The following CBFA2T3 variants were observed in gnomAD, a reference collection of about 807,000 sequenced individuals.
CBFA2T3 encodes CBFA2/RUNX1 partner transcriptional co-repressor 3.
CBFA2T3 carries 31 observed loss-of-function variants against 58.6 expected under a neutral mutation model. The ratio of observed to expected loss-of-function variants is 0.53; its 90% confidence interval spans 0.40 to 0.71. The LOEUF (loss-of-function observed/expected upper bound fraction) is 0.71. CBFA2T3 is among the 30% of genes least tolerant of loss of function. CBFA2T3 has a pLI of 0.00. For synonymous variants in CBFA2T3, 531 were observed against 421.9 expected, an observed-to-expected ratio of 1.26 and a Z score of -3.17; for missense variants, 1,076 against 963.1, an observed-to-expected ratio of 1.12 and a Z score of -1.55.
intron 3 of CBFA2T3, among the ~76,000 whole-genome samples, chr16:88,892,931 G>A (rs1296310985): frequency 6.6e-6 from 1 of 152,176 alleles, no homozygotes; most frequent in African/African-American, 2.4e-5. Flanking sequence ...CAGCAGGGGT[G>A]CGGCCCCTAC....
intron 1 of CBFA2T3, among the ~76,000 whole-genome samples, chr16:88,943,671 C>G (rs947409120): frequency 1.2e-4 from 19 of 152,200 alleles, no homozygotes; most frequent in Admixed American, 6.5e-5. Context: ...TGCATTTCCC[C>G]CCGTGCTGTG....
At chr16:88,916,167 CGTGTATTCATGT>C (rs1970715544) in intron 1 of CBFA2T3, among the ~76,000 whole-genome samples, 1 of 131,876 alleles carries the variant, frequency 7.6e-6, no homozygotes. Context: ...TGTATTCATG[CGTGTATTCATGT>C]GTGCGCATGG....
intron 1 of CBFA2T3, among the ~76,000 whole-genome samples, chr16:88,974,597 C>T (rs1250442569): frequency 6.6e-6 from 1 of 152,188 alleles, no homozygotes. Flanking sequence ...CAGGAAGGTT[C>T]TTCTACTTCA....
intron 8 of CBFA2T3, among the ~76,000 whole-genome samples, chr16:88,882,409 G>A (rs1473627628): frequency 1.3e-5 from 2 of 150,340 alleles, no homozygotes; most frequent in Admixed American, 1.3e-4. Flanking sequence ...GTGTGGGTGT[G>A]GCTGTGTGTG....
In CBFA2T3 at chr16:88,877,278, G is replaced by A. The variant is rs1303544778; in HGVS notation, c.1663-3C>T. ...TTCCGCCCGCAGTTCCAGCAGCTCT[G>A]GGTGGGGGCAGAGGGGCCAGTCAGG... On this transcript the variant is annotated splice_polypyrimidine_tract_variant and splice_region_variant and intron_variant, in intron 11 of 11. Transcript: ENST00000268679. 4 of 1,544,146 alleles carry A rather than the reference G, an allele frequency of 2.6e-6. No homozygotes were observed. The highest frequency in any genetic ancestry group is 3.5e-6 in the Non-Finnish European group (4 of 1,144,230).
At chr16:88,975,703 C>T (rs1440729303) in intron 1 of CBFA2T3, among the ~76,000 whole-genome samples, 1 of 152,264 alleles carries the variant, frequency 6.6e-6, no homozygotes, top group Non-Finnish European at 1.5e-5. Flanking sequence ...AGTTCCTGCT[C>T]ACATCTGGGG....
chr16:88,938,760 C>T (rs1971599167), intron 1 of CBFA2T3: 1 of 152,280 alleles, frequency 6.6e-6, no homozygotes, highest in South Asian at 2.1e-4. Context: ...TGGTTCCTCC[C>T]TGCCAGGGAA....
intron 5 of CBFA2T3, among the ~76,000 whole-genome samples, chr16:88,889,780 C>T (rs1014008685): frequency 5.0e-5 from 7 of 139,592 alleles, no homozygotes; most frequent in Admixed American, 7.2e-5. Context: ...CCTCCAGGGA[C>T]GACGCCACGC....
At chr16:88,900,017 G>C (rs1267166380) in intron 2 of CBFA2T3, among the ~76,000 whole-genome samples, 1 of 152,216 alleles carries the variant, frequency 6.6e-6, no homozygotes, top group South Asian at 2.1e-4. Context: ...CGTGTGACAA[G>C]GACATGTGAG....
intron 1 of CBFA2T3, among the ~76,000 whole-genome samples, chr16:88,903,710 G>C (rs1166001420): frequency 2.0e-5 from 3 of 150,950 alleles, no homozygotes; most frequent in African/African-American, 7.3e-5. Context: ...CGTTCCTGGT[G>C]GGGGCAGCCC....
At chr16:88,892,622 T>C in intron 3 of CBFA2T3, 137 bp from the exon 4 acceptor site, 1 of 1,044,790 alleles carries the variant, frequency 9.6e-7, no homozygotes, top group Non-Finnish European at 1.5e-6. Flanking sequence ...ACAAGGACAG[T>C]AGCGCTGAGG....
intron 1 of CBFA2T3, among the ~76,000 whole-genome samples, chr16:88,943,653 A>G (rs1971821685): frequency 6.6e-6 from 1 of 152,136 alleles, no homozygotes; most frequent in African/African-American, 2.4e-5. Context: ...AGAGCTGGGC[A>G]CCGTCTCTGC....
At chr16:88,952,304 C>G (rs910901741) in intron 1 of CBFA2T3, among the ~76,000 whole-genome samples, 3 of 152,132 alleles carry the variant, frequency 2.0e-5, no homozygotes, top group Non-Finnish European at 4.4e-5. Context: ...GGTGAGGGAG[C>G]TGCCTCCCTC....
chr16:88,889,526 A>T (rs1282618036), intron 5 of CBFA2T3, among the ~76,000 whole-genome samples: 1 of 151,708 alleles, frequency 6.6e-6, no homozygotes, highest in Non-Finnish European at 1.5e-5. Flanking sequence ...GGGCGTTTGG[A>T]ATTTGACAGA....
chr16:88,899,031 G>C (rs763807783), intron 2 of CBFA2T3, among the ~76,000 whole-genome samples: 1 of 152,064 alleles, frequency 6.6e-6, no homozygotes, highest in African/African-American at 2.4e-5. Flanking sequence ...GAGGAGCTTG[G>C]TCTGGGTCCC....
At position 88,961,118 on chromosome 16, in the gene CBFA2T3, C is replaced by T. The variant is rs548158465; in HGVS notation, c.151+15539G>A. Among the ~76,000 whole-genome samples, 3 of 152,290 alleles carry T rather than the reference C, an allele frequency of 2.0e-5. No homozygotes were observed. In the South Asian group the frequency reaches 6.2e-4, roughly 32 times the overall value. On this transcript the variant is annotated intron_variant, in intron 1 of 11. Transcript: ENST00000268679. ...GGCTCTGCCTTCTGTCTTCCACGGC[C>T]TCTCCTTGCTTTGATCCTGATCTGG...
At chr16:88,963,253 A>ATCTTCTGCCAGGGATGGGCGCTCG (rs1972413359) in intron 1 of CBFA2T3, among the ~76,000 whole-genome samples, 1 of 114,842 alleles carries the variant, frequency 8.7e-6, no homozygotes, top group South Asian at 2.9e-4. Flanking sequence ...GTGGGCGCTC[A>ATCTTCTGCCAGGGATGGGCGCTCG]TCTTCTGCCA....
rs953292167 is a variant in CBFA2T3, at chr16:88,885,069, A to T, written c.1094T>A (p.Leu365Gln). The change falls in exon 7 of 12, where the codon CTA (leucine) becomes CAA (glutamine). Residue 365 changes from leucine to glutamine, a missense_variant. Coordinates refer to ENST00000268679, the MANE Select transcript of CBFA2T3 (RefSeq NM_005187.6). The surrounding 1 kb of genome is among the most constrained non-coding windows in gnomAD (Gnocchi z 5.3). ...DAYRHPDPRE[L>Q]RERHRPLVVP... Reference sequence around the variant, plus strand: ...ACCAAGCGGCCGATGGCGCTCTCGTAGCTCCCGGGGGTCTGGGTGGCGGTA... The same window carrying T: ...ACCAAGCGGCCGATGGCGCTCTCGTTGCTCCCGGGGGTCTGGGTGGCGGTA... 6 of 1,600,396 alleles carry T rather than the reference A, an allele frequency of 3.7e-6. No individual in the cohort carries two copies. In the Admixed American group the frequency reaches 5.0e-5, roughly 13 times the overall value.
intron 1 of CBFA2T3, among the ~76,000 whole-genome samples, chr16:88,959,277 G>T (rs1972304902): frequency 6.6e-6 from 1 of 152,260 alleles, no homozygotes; most frequent in African/African-American, 2.4e-5. Context: ...GCCGCGGACG[G>T]GTGGTGGGGA....
Sources: allele counts gnomAD v4.1 joint callset (sites outside exome capture counted in the v4.1 genomes callset), GRCh38; gene constraint gnomAD v4.1.1; non-coding constraint Gnocchi (gnomAD v3.1); transcripts MANE v1.5; gene names NCBI Gene and HGNC (gene_info 2026-07-23, HGNC 2026-07-21).